Variants in ZNF566 observed in about 807,000 individuals in gnomAD.
ZNF566 encodes zinc finger protein 566.
In ZNF566, 27 loss-of-function variants were observed where a neutral mutation model predicts 32.8. That is an observed-to-expected ratio of 0.82 (90% CI 0.61 to 1.14). The LOEUF (loss-of-function observed/expected upper bound fraction) is 1.14. Ranked by LOEUF, ZNF566 falls within the 50% of genes most tolerant of loss-of-function variation. The pLI is 0.00. For missense variants in ZNF566, 402 were observed against 490.4 expected (o/e 0.82, Z 1.70); for synonymous variants, 154 against 159.5 (o/e 0.97, Z 0.26).
chr19:36,473,639 T>C (rs1480494335), intron 2 of ZNF566, among the ~76,000 whole-genome samples, 181 bp from the exon 3 acceptor site: 1 of 152,180 alleles, frequency 6.6e-6, no homozygotes, highest in Non-Finnish European at 1.5e-5. Flanking sequence ...TCCAGGTCAT[T>C]CTGTTTCCTC....
intron 4 of ZNF566, among the ~76,000 whole-genome samples, chr19:36,468,356 A>C (rs1459484960): frequency 6.6e-6 from 1 of 151,780 alleles, no homozygotes; most frequent in East Asian, 1.9e-4. Context: ...CTGTAATCCC[A>C]ACACTTTGGG....
intron 4 of ZNF566, among the ~76,000 whole-genome samples, chr19:36,457,426 A>T (rs192296105): frequency 3.3e-5 from 5 of 152,350 alleles, no homozygotes; most frequent in Non-Finnish European, 7.3e-5. Flanking sequence ...GTATCTGGTA[A>T]GATGCTAATA....
chr19:36,470,364 C>A (rs1419311967), intron 4 of ZNF566, among the ~76,000 whole-genome samples: 4 of 152,150 alleles, frequency 2.6e-5, no homozygotes, highest in Non-Finnish European at 4.4e-5. Context: ...ATTACAAAGC[C>A]CATTCTTCCA....
intron 1 of ZNF566, among the ~76,000 whole-genome samples, chr19:36,481,778 G>C (rs1202328042): frequency 6.6e-6 from 1 of 152,142 alleles, no homozygotes; most frequent in African/African-American, 2.4e-5. Flanking sequence ...TTGCAGCACT[G>C]TTTCTAGTAA....
In ZNF566 at chr19:36,449,733, T is replaced by C; in HGVS notation, c.501A>G (p.Lys167=). 1 of 1,614,162 alleles carries C rather than the reference T, an allele frequency of 6.2e-7. No homozygotes were observed. The highest frequency in any genetic ancestry group is 8.5e-7 in the Non-Finnish European group (1 of 1,180,024). The change falls in exon 5 of 5, where the codon AAA becomes AAG. Residue 167 remains lysine (K), a synonymous_variant. Coordinates refer to ENST00000452939, the MANE Select transcript of ZNF566 (RefSeq NM_001145344.1). The stretch of plus-strand genomic sequence containing the variant: ...ATTCTTTAGATGCACAGAATTTCTT[T>C]TTACTGTTAATGATTTGCTGTAATG... The part of the protein sequence containing the change: ...SFTLQQIINS[K]KKFCASKEYR...
chr19:36,468,902 G>C (rs2033692734), intron 4 of ZNF566, among the ~76,000 whole-genome samples: 1 of 151,208 alleles, frequency 6.6e-6, no homozygotes, highest in Admixed American at 6.6e-5. Flanking sequence ...GGGCAAGAGT[G>C]GGACCCTGTT....
intron 1 of ZNF566, among the ~76,000 whole-genome samples, chr19:36,479,143 ATGT>A (rs1568530195): frequency 6.6e-6 from 1 of 152,236 alleles, no homozygotes; most frequent in Non-Finnish European, 1.5e-5. Context: ...GTTATAACTA[ATGT>A]TGAAACACTG....
At chr19:36,467,714 C>T (rs780516072) in intron 4 of ZNF566, among the ~76,000 whole-genome samples, 7 of 139,384 alleles carry the variant, frequency 5.0e-5, no homozygotes, top group Non-Finnish European at 1.1e-4. Context: ...TTGCTTGAAC[C>T]TGGAAGGCAG....
At chr19:36,465,487 T>TA (rs1199555727) in intron 4 of ZNF566, among the ~76,000 whole-genome samples, 1 of 151,972 alleles carries the variant, frequency 6.6e-6, no homozygotes, top group Non-Finnish European at 1.5e-5. Flanking sequence ...TAAATACTTT[T>TA]TTTTTTGAGA....
In ZNF566 at chr19:36,473,892, G is replaced by T. The variant is rs558712154; in HGVS notation, c.10-434C>A. 1.2e-4 allele frequency among the ~76,000 whole-genome samples: 18 copies of T among 152,234 alleles called. No individual in the cohort carries two copies. In the South Asian group the frequency reaches 2.9e-3, roughly 25 times the overall value. On this transcript the variant is annotated intron_variant, in intron 2 of 4. Transcript: ENST00000452939. ...ACATTAAAAGCCACCAGAGAGAAGAGCAGGTCATATAAAAGGCATCAAAAA... is the reference window on the plus strand; with the variant it reads ...ACATTAAAAGCCACCAGAGAGAAGATCAGGTCATATAAAAGGCATCAAAAA...
chr19:36,456,355 G>C (rs919255620), intron 4 of ZNF566: 3 of 137,430 alleles, frequency 2.2e-5, no homozygotes, highest in African/African-American at 8.2e-5. Flanking sequence ...GGGTAACACA[G>C]TGAAGCCCCA....
chr19:36,448,868 CAAATA>C lies in ZNF566; in HGVS notation c.*104_*108del. Reference sequence around the variant, plus strand: ...CCCAGGCTGAATAAGCTGTAGTCCACAAATAAAATGTTTCTACATTATTCTATCTA... The same window carrying C: ...CCCAGGCTGAATAAGCTGTAGTCCACAAATGTTTCTACATTATTCTATCTA... On this transcript the variant is annotated 3_prime_UTR_variant, in exon 5 of 5. Coordinates refer to ENST00000452939, the MANE Select transcript of ZNF566 (RefSeq NM_001145344.1). 1.1e-6 allele frequency: 1 copy of C among 950,334 alleles called. No individual in the cohort carries two copies. The highest frequency in any genetic ancestry group is 1.5e-6 in the Non-Finnish European group (1 of 665,718). The allele number at this position is 950,334 out of a possible 1,614,324, so 58.9% of individuals were successfully genotyped here. A position where few individuals can be genotyped will look rare whatever the true frequency, so the allele number is the denominator to read the frequency against.
chr19:36,485,654 C>G (rs1161663097), intron 1 of ZNF566, among the ~76,000 whole-genome samples: 1 of 151,244 alleles, frequency 6.6e-6, no homozygotes, highest in Admixed American at 6.6e-5. Context: ...CCCAGCTACT[C>G]GGGAGGCTGA....
chr19:36,472,209 C>T (rs1277314392), intron 4 of ZNF566, among the ~76,000 whole-genome samples: 1 of 152,128 alleles, frequency 6.6e-6, no homozygotes, highest in African/African-American at 2.4e-5. Context: ...GAGACACAGG[C>T]CCTTTATTTC....
intron 4 of ZNF566, among the ~76,000 whole-genome samples, chr19:36,461,163 C>T (rs777111220): frequency 2.4e-4 from 36 of 152,154 alleles, no homozygotes; most frequent in Non-Finnish European, 3.2e-4. Flanking sequence ...AGGTCCAGTG[C>T]TGCTTTCCAG....
chr19:36,463,886 T>C (rs1244286610), intron 4 of ZNF566, among the ~76,000 whole-genome samples: 1 of 151,978 alleles, frequency 6.6e-6, no homozygotes, highest in Non-Finnish European at 1.5e-5. Context: ...CTATCACACC[T>C]GGCTAGTTTT....
chr19:36,454,588 A>C (rs1027529834), intron 4 of ZNF566, among the ~76,000 whole-genome samples: 2 of 152,152 alleles, frequency 1.3e-5, no homozygotes, highest in African/African-American at 4.8e-5. Context: ...AAGAATCATA[A>C]GAGACTACTA....
intron 4 of ZNF566, among the ~76,000 whole-genome samples, chr19:36,463,732 G>T (rs1464502183): frequency 9.9e-5 from 14 of 141,034 alleles, no homozygotes; most frequent in African/African-American, 1.6e-4. Context: ...CTTTTTTTGG[G>T]TTTTTTTTTT....
At chr19:36,456,669 T>TG (rs2033323723) in intron 4 of ZNF566, 1 of 152,112 alleles carries the variant, frequency 6.6e-6, no homozygotes, top group South Asian at 2.1e-4. Flanking sequence ...CACCATGGCA[T>TG]GTGTATACCT....
Sources: allele counts gnomAD v4.1 joint callset (sites outside exome capture counted in the v4.1 genomes callset), GRCh38; gene constraint gnomAD v4.1.1; transcripts MANE v1.5; gene names NCBI Gene and HGNC (gene_info 2026-07-23, HGNC 2026-07-21).